Variants in CHN2 observed in about 807,000 individuals in gnomAD.
CHN2 encodes the protein chimerin 2.
Under a neutral mutation model 56.3 loss-of-function variants are expected in CHN2, and 35 were observed. That is an observed-to-expected ratio of 0.62 (90% CI 0.47 to 0.82). The LOEUF (loss-of-function observed/expected upper bound fraction) is 0.82. Ranked by LOEUF, CHN2 falls within the 40% of genes least tolerant of loss-of-function variation. CHN2 has a pLI of 0.00. For synonymous variants in CHN2, 210 were observed against 212.8 expected, an observed-to-expected ratio of 0.99 and a Z score of 0.12; for missense variants, 491 against 580.5, an observed-to-expected ratio of 0.85 and a Z score of 1.58.
chr7:29,374,518 G>C (rs1799872721), intron 3 of CHN2, among the ~76,000 whole-genome samples: 2 of 151,972 alleles, frequency 1.3e-5, no homozygotes, highest in African/African-American at 4.8e-5. Context: ...AAATAATACA[G>C]ATCCCCGCAA....
intron 1 of CHN2, among the ~76,000 whole-genome samples, chr7:29,342,252 A>T (rs1325651277): frequency 6.6e-6 from 1 of 152,152 alleles, no homozygotes; most frequent in East Asian, 1.9e-4. Context: ...AGATGAATGG[A>T]TGGAGAGATT....
intron 1 of CHN2, among the ~76,000 whole-genome samples, chr7:29,300,638 TGTTC>T (rs1793590791): frequency 6.6e-6 from 1 of 152,230 alleles, no homozygotes; most frequent in African/African-American, 2.4e-5. Context: ...AGTGATTCAG[TGTTC>T]AGACTTGAAA....
At chr7:29,435,659 C>T (rs1783163842) in intron 6 of CHN2, among the ~76,000 whole-genome samples, 1 of 152,070 alleles carries the variant, frequency 6.6e-6, no homozygotes, top group African/African-American at 2.4e-5. Flanking sequence ...TATGGACCAC[C>T]ATGGTATATG....
chr7:29,397,156 A>G (rs2081342542), intron 4 of CHN2: 1 of 152,232 alleles, frequency 6.6e-6, no homozygotes, highest in African/African-American at 2.4e-5. Context: ...TTTGAAACAC[A>G]AAGCCACAGG....
chr7:29,282,386 T>A (rs1791789239), intron 1 of CHN2, among the ~76,000 whole-genome samples: 1 of 152,246 alleles, frequency 6.6e-6, no homozygotes, highest in African/African-American at 2.4e-5. Context: ...CTGTTGGCTG[T>A]CTACATGGAC....
chr7:29,250,819 T>C (rs1246763145), intron 1 of CHN2, among the ~76,000 whole-genome samples: 1 of 151,622 alleles, frequency 6.6e-6, no homozygotes, highest in Non-Finnish European at 1.5e-5. Context: ...CAAGCGATTC[T>C]CCTGCCTCAG....
chr7:29,242,237 C>T (rs1473047684), intron 1 of CHN2, among the ~76,000 whole-genome samples: 3 of 152,202 alleles, frequency 2.0e-5, no homozygotes, highest in African/African-American at 7.2e-5. Flanking sequence ...TACCATGTCA[C>T]AATCCTCACC....
At chr7:29,340,202 G>T (rs866049178) in intron 1 of CHN2, among the ~76,000 whole-genome samples, 1 of 152,130 alleles carries the variant, frequency 6.6e-6, no homozygotes, top group Admixed American at 6.5e-5. Context: ...CTAAATTTGT[G>T]TATTATTTTA....
intron 1 of CHN2, among the ~76,000 whole-genome samples, chr7:29,344,399 A>G (rs927505836): frequency 1.3e-5 from 2 of 152,108 alleles, no homozygotes; most frequent in Admixed American, 1.3e-4. Flanking sequence ...TAAAACGCTT[A>G]ATTATCTGGC....
At chr7:29,229,576 T>C (rs1433852538) in intron 1 of CHN2, among the ~76,000 whole-genome samples, 2 of 152,240 alleles carry the variant, frequency 1.3e-5, no homozygotes, top group African/African-American at 4.8e-5. Context: ...CACCATTTGC[T>C]ACAGCTGTGT....
intron 3 of CHN2, among the ~76,000 whole-genome samples, chr7:29,386,537 T>C (rs1197358707): frequency 6.6e-6 from 1 of 152,250 alleles, no homozygotes; most frequent in Non-Finnish European, 1.5e-5. Flanking sequence ...CACAATATTC[T>C]GTAAATGTCT....
At chr7:29,201,095 A>G (rs1019046265) in intron 1 of CHN2, among the ~76,000 whole-genome samples, 30 of 152,130 alleles carry the variant, frequency 2.0e-4, no homozygotes, top group African/African-American at 6.5e-4. Context: ...AAATCACTCA[A>G]CCTCAGCCTG....
intron 6 of CHN2, among the ~76,000 whole-genome samples, chr7:29,444,935 G>T (rs1421262167): frequency 6.6e-6 from 1 of 152,192 alleles, no homozygotes; most frequent in Non-Finnish European, 1.5e-5. Context: ...CACTTTAGGA[G>T]GATTACAAGA....
Position 29,442,385 on chromosome 7 carries a change from C to T in CHN2, c.577-37894C>T, listed in dbSNP as rs1230175879. On this transcript the variant is annotated intron_variant, in intron 6 of 12. Coordinates refer to ENST00000222792, the MANE Select transcript of CHN2 (RefSeq NM_004067.4). ...GTGCCAACCAAATAGGATTAGGCTG[C>T]TCTGTGCAGGGTTGATTGAGCTCAG... Among the ~76,000 whole-genome samples, 5 of 152,156 alleles carry T rather than the reference C, an allele frequency of 3.3e-5. No homozygotes were observed. The East Asian group carries it at 7.7e-4, about 23-fold the overall frequency.
At chr7:29,305,805 T>TTCCTCCTCGTCTTTCTCCTCCTCCTCC (rs1562905010) in intron 1 of CHN2, among the ~76,000 whole-genome samples, 5 of 130,604 alleles carry the variant, frequency 3.8e-5, no homozygotes, top group East Asian at 2.0e-4. Context: ...CTCCCGTTCC[T>TTCCTCCTCGTCTTTCTCCTCCTCCTCC]TCCTCCTCGT....
chr7:29,509,188 G>T, intron 11 of CHN2, 113 bp from the exon 12 acceptor site: 1 of 729,388 alleles, frequency 1.4e-6, no homozygotes, highest in South Asian at 1.6e-5. Context: ...TGGATTGCAT[G>T]AATTTATTAG....
At chr7:29,499,256 C>T (rs996459489) in intron 8 of CHN2, among the ~76,000 whole-genome samples, 1 of 152,130 alleles carries the variant, frequency 6.6e-6, no homozygotes, top group Non-Finnish European at 1.5e-5. Flanking sequence ...TATAGTTAGG[C>T]ATTATTTCCA....
intron 2 of CHN2, among the ~76,000 whole-genome samples, chr7:29,176,858 T>G (rs548886255): frequency 6.6e-6 from 1 of 152,300 alleles, no homozygotes; most frequent in African/African-American, 2.4e-5. Context: ...CTTTCATCAT[T>G]GGTCAGAATG....
chr7:29,211,636 T>C (rs1039744490), intron 1 of CHN2, among the ~76,000 whole-genome samples: 14 of 152,136 alleles, frequency 9.2e-5, no homozygotes, highest in African/African-American at 2.7e-4. Context: ...AGAGTGGTGA[T>C]GGGCACTTTG....
Sources: allele counts gnomAD v4.1 joint callset (sites outside exome capture counted in the v4.1 genomes callset), GRCh38; gene constraint gnomAD v4.1.1; transcripts MANE v1.5; gene names NCBI Gene and HGNC (gene_info 2026-07-23, HGNC 2026-07-21).